ENTHD1: variants seen among roughly 807,000 people sequenced by gnomAD.
ENTHD1 encodes the protein ENTH domain-containing protein 1.
Under a neutral mutation model 39.1 loss-of-function variants are expected in ENTHD1, and 23 were observed. The observed-to-expected ratio is 0.59, with a 90% confidence interval of 0.42 to 0.83. ENTHD1 has a LOEUF of 0.83. ENTHD1 is among the 40% of genes least tolerant of loss of function. The pLI is 0.00. For missense variants in ENTHD1, 624 were observed against 705.4 expected, an observed-to-expected ratio of 0.88 and a Z score of 1.31; for synonymous variants, 230 against 258.2, an observed-to-expected ratio of 0.89 and a Z score of 1.05.
chr22:39,818,022 A>G (rs1418774943), intron 5 of ENTHD1, among the ~76,000 whole-genome samples: 1 of 152,176 alleles, frequency 6.6e-6, no homozygotes, highest in Admixed American at 6.5e-5. Flanking sequence ...ACCCCCTTAA[A>G]CTTGGGCAGG....
intron 2 of ENTHD1, among the ~76,000 whole-genome samples, chr22:39,882,180 T>C (rs534440576): frequency 6.6e-6 from 1 of 152,298 alleles, no homozygotes; most frequent in South Asian, 2.1e-4. Flanking sequence ...GAAAGGATGA[T>C]TAACATATGG....
At chr22:39,761,131 G>A (rs1168175885) in intron 6 of ENTHD1, among the ~76,000 whole-genome samples, 1 of 152,020 alleles carries the variant, frequency 6.6e-6, no homozygotes, top group African/African-American at 2.4e-5. Flanking sequence ...TTGTAGTATG[G>A]ATTCCCCGAT....
At chr22:39,773,848 A>G (rs2065346647) in intron 5 of ENTHD1, among the ~76,000 whole-genome samples, 1 of 152,248 alleles carries the variant, frequency 6.6e-6, no homozygotes, top group Admixed American at 6.5e-5. Flanking sequence ...GATGTGTAAG[A>G]GATTCAAACA....
chr22:39,859,316 T>C (rs1601648220), intron 3 of ENTHD1, among the ~76,000 whole-genome samples: 1 of 152,234 alleles, frequency 6.6e-6, no homozygotes, highest in Admixed American at 6.5e-5. Flanking sequence ...CCCGTATTCA[T>C]TGGAGCAGCA....
At chr22:39,750,333 T>C (rs867677980) in intron 6 of ENTHD1, 4 of 172,086 alleles carry the variant, frequency 2.3e-5, no homozygotes, top group Non-Finnish European at 3.9e-5. Flanking sequence ...ATATTTTGTG[T>C]GTGGCAAATG....
At chr22:39,850,366 T>G (rs1350801668) in intron 3 of ENTHD1, among the ~76,000 whole-genome samples, 1 of 152,208 alleles carries the variant, frequency 6.6e-6, no homozygotes, top group African/African-American at 2.4e-5. Flanking sequence ...ATTAAGTAGC[T>G]ACACCAGCCT....
chr22:39,811,100 T>C (rs2065682154), intron 5 of ENTHD1, among the ~76,000 whole-genome samples: 1 of 152,238 alleles, frequency 6.6e-6, no homozygotes, highest in Non-Finnish European at 1.5e-5. Flanking sequence ...TTCAAGGGAA[T>C]GCCACATCTG....
chr22:39,856,468 TC>T (rs771413274), intron 3 of ENTHD1, among the ~76,000 whole-genome samples: 2 of 152,074 alleles, frequency 1.3e-5, no homozygotes, highest in East Asian at 3.9e-4. Context: ...CATCTGTATA[TC>T]TAGGATGTAC....
chr22:39,833,625 G>T (rs924777943), intron 4 of ENTHD1, among the ~76,000 whole-genome samples: 2 of 151,692 alleles, frequency 1.3e-5, no homozygotes, highest in African/African-American at 4.8e-5. Flanking sequence ...TAAGCTGGAA[G>T]ATCAAATTGA....
chr22:39,800,072 A>G (rs1173627492), intron 5 of ENTHD1, among the ~76,000 whole-genome samples: 2 of 152,098 alleles, frequency 1.3e-5, no homozygotes, highest in African/African-American at 4.8e-5. Flanking sequence ...GCAGCTCCCT[A>G]TGCTAGTCTT....
intron 2 of ENTHD1, among the ~76,000 whole-genome samples, chr22:39,862,314 C>G (rs546543853): frequency 6.6e-6 from 1 of 152,054 alleles, no homozygotes; most frequent in East Asian, 1.9e-4. Flanking sequence ...CTTTGGGAGG[C>G]TGAAGTGGGC....
chr22:39,811,271 T>C (rs553376872), intron 5 of ENTHD1, among the ~76,000 whole-genome samples: 3 of 152,194 alleles, frequency 2.0e-5, no homozygotes, highest in Middle Eastern at 3.4e-3. Flanking sequence ...GCTGTCTCTA[T>C]TTACTGCCAG....
chr22:39,781,743 A>G (rs2065411670), intron 5 of ENTHD1, among the ~76,000 whole-genome samples: 1 of 152,086 alleles, frequency 6.6e-6, no homozygotes, highest in South Asian at 2.1e-4. Flanking sequence ...GAAAAGATAA[A>G]AAAAAATTGA....
At chr22:39,878,260 C>A (rs538493259) in intron 2 of ENTHD1, among the ~76,000 whole-genome samples, 2 of 152,072 alleles carry the variant, frequency 1.3e-5, no homozygotes, top group South Asian at 2.1e-4. Context: ...AACTGAAAAG[C>A]AAAGAGAAAA....
chr22:39,856,318 T>TC (rs1325685963), intron 3 of ENTHD1, among the ~76,000 whole-genome samples: 1 of 151,888 alleles, frequency 6.6e-6, no homozygotes, highest in Non-Finnish European at 1.5e-5. Flanking sequence ...CAATTTCTTA[T>TC]TTTTTCCCAC....
chr22:39,805,036 A>G (rs954434777), intron 5 of ENTHD1, among the ~76,000 whole-genome samples: 2 of 152,182 alleles, frequency 1.3e-5, no homozygotes, highest in African/African-American at 4.8e-5. Flanking sequence ...GTCAAGGGCT[A>G]AGTCTTGGGA....
At chr22:39,791,939 C>T (rs1483365735) in intron 5 of ENTHD1, among the ~76,000 whole-genome samples, 1 of 152,016 alleles carries the variant, frequency 6.6e-6, no homozygotes, top group Non-Finnish European at 1.5e-5. Flanking sequence ...TCTTTCTGTC[C>T]ATGTGTTCTC....
At chr22:39,885,340 A>C (rs2066371223) in intron 2 of ENTHD1, among the ~76,000 whole-genome samples, 1 of 152,212 alleles carries the variant, frequency 6.6e-6, no homozygotes, top group African/African-American at 2.4e-5. Flanking sequence ...ACAACAACAA[A>C]AAAGGATAAT....
At chr22:39,746,266 T>C (rs750568237) in intron 6 of ENTHD1, among the ~76,000 whole-genome samples, 8 of 152,128 alleles carry the variant, frequency 5.3e-5, no homozygotes, top group Non-Finnish European at 1.2e-4. Context: ...AATCCTCTCA[T>C]TGATTGCTTA....
Sources: gnomAD v4.1 joint callset for allele counts (sites outside exome capture counted in the v4.1 genomes callset) on GRCh38, gnomAD v4.1.1 for gene constraint, MANE v1.5 for transcripts, NCBI Gene and HGNC (gene_info 2026-07-23, HGNC 2026-07-21) for gene names.